Variants in RBFOX1 observed in about 807,000 individuals in gnomAD.
RBFOX1 encodes the protein RNA binding fox-1 homolog 1.
Under a neutral mutation model 57.7 loss-of-function variants are expected in RBFOX1, and 8 were observed. The ratio of observed to expected loss-of-function variants is 0.14; its 90% CI spans 0.08 to 0.25. The LOEUF (loss-of-function observed/expected upper bound fraction) is 0.25, where lower values mean the gene tolerates loss of function less well. RBFOX1 is among the 10% of genes least tolerant of loss of function. The probability of loss-of-function intolerance (pLI) is 1.00; values close to 1 mark genes in which losing one functional copy is unlikely to be tolerated. For missense variants in RBFOX1, 611 were observed against 548.5 expected (o/e 1.11, Z -1.14); for synonymous variants, 326 against 222.4 (o/e 1.47, Z -4.15).
At chr16:6,915,635 C>G (rs1435814441) in intron 3 of RBFOX1, among the ~76,000 whole-genome samples, 1 of 149,378 alleles carries the variant, frequency 6.7e-6, no homozygotes, top group Non-Finnish European at 1.5e-5. Flanking sequence ...ACTGCAACCT[C>G]TGCCTCTCGG....
At chr16:5,281,942 C>T (rs911882071) in intron 1 of RBFOX1, among the ~76,000 whole-genome samples, 3 of 152,058 alleles carry the variant, frequency 2.0e-5, no homozygotes, top group Admixed American at 6.6e-5. Flanking sequence ...AGGACTTATT[C>T]CTGTCATTTT....
chr16:5,655,451 A>G (rs1050146557), intron 3 of RBFOX1, among the ~76,000 whole-genome samples: 2 of 152,248 alleles, frequency 1.3e-5, no homozygotes. Context: ...CTGGCAGGAA[A>G]TGACATCTGT....
At chr16:7,061,442 T>C (rs190106031) in intron 4 of RBFOX1, among the ~76,000 whole-genome samples, 118 of 152,322 alleles carry the variant, frequency 7.7e-4, no homozygotes, top group Middle Eastern at 3.4e-3. Flanking sequence ...TTGTGAAATA[T>C]GATTAAATAA....
At chr16:5,408,808 G>T (rs1360286300) in intron 1 of RBFOX1, among the ~76,000 whole-genome samples, 1 of 152,192 alleles carries the variant, frequency 6.6e-6, no homozygotes, top group Non-Finnish European at 1.5e-5. Context: ...GACAGAGTTG[G>T]GGGTTGGGGA....
intron 3 of RBFOX1, among the ~76,000 whole-genome samples, chr16:6,701,009 A>G (rs1224901278): frequency 6.6e-6 from 1 of 150,836 alleles, no homozygotes; most frequent in Non-Finnish European, 1.5e-5. Flanking sequence ...CAGTAAAAGA[A>G]AGGAGTAGAG....
At chr16:7,109,971 A>C (rs2064359870) in intron 4 of RBFOX1, among the ~76,000 whole-genome samples, 1 of 152,134 alleles carries the variant, frequency 6.6e-6, no homozygotes, top group Non-Finnish European at 1.5e-5. Context: ...TATTAAGGAC[A>C]CTGCAGAGTA....
chr16:5,545,320 A>C (rs752624105), intron 2 of RBFOX1, among the ~76,000 whole-genome samples: 1 of 152,210 alleles, frequency 6.6e-6, no homozygotes, highest in Middle Eastern at 3.4e-3. Context: ...TATCAGTTCT[A>C]TACAAACTAT....
At chr16:5,766,571 C>G (rs764307875) in intron 3 of RBFOX1, among the ~76,000 whole-genome samples, 3 of 152,052 alleles carry the variant, frequency 2.0e-5, no homozygotes, top group Non-Finnish European at 2.9e-5. Flanking sequence ...GGCAACAGTG[C>G]GAGACTCTGT....
chr16:5,462,897 T>G (rs927896130), intron 1 of RBFOX1, among the ~76,000 whole-genome samples: 1 of 152,182 alleles, frequency 6.6e-6, no homozygotes, highest in Non-Finnish European at 1.5e-5. Flanking sequence ...AAGAATAATC[T>G]GGCCTGAATT....
At position 5,508,819 on chromosome 16, in the gene RBFOX1, T is replaced by A. The variant is rs574715030; in HGVS notation, c.258+41565T>A. Reference sequence around the variant, plus strand: ...AGTCAGGTTGGCAGAAGTCGAGAGCTGACATTGCCTCTGGAATGTGGTGGG... The same window carrying A: ...AGTCAGGTTGGCAGAAGTCGAGAGCAGACATTGCCTCTGGAATGTGGTGGG... On this transcript the variant is annotated intron_variant, in intron 2 of 2. Transcript: ENST00000585867. 3.3e-5 allele frequency among the ~76,000 whole-genome samples: 5 copies of A among 152,318 alleles called. No homozygotes were observed. In the East Asian group the frequency reaches 9.7e-4, roughly 29 times the overall value.
chr16:6,293,486 C>T (rs945134786), intron 1 of RBFOX1, among the ~76,000 whole-genome samples: 1 of 152,066 alleles, frequency 6.6e-6, no homozygotes, highest in East Asian at 1.9e-4. Flanking sequence ...GCCTGTCTGC[C>T]AGGTCCTTGG....
chr16:7,701,998 G>C (rs2080892506), intron 14 of RBFOX1, among the ~76,000 whole-genome samples: 1 of 152,160 alleles, frequency 6.6e-6, no homozygotes, highest in Non-Finnish European at 1.5e-5. Flanking sequence ...TGGGGTGGTT[G>C]GCACCTGTTG....
Position 6,969,518 on chromosome 16 carries a change from T to A in RBFOX1, c.-15-82539T>A, listed in dbSNP as rs1315334060. Reference sequence around the variant, plus strand: ...AGGAGGCCAACGTAGGTGGATCGATTGAGCTCGGGAGTTTGAGACCACACT... The same window carrying A: ...AGGAGGCCAACGTAGGTGGATCGATAGAGCTCGGGAGTTTGAGACCACACT... On this transcript the variant is annotated intron_variant, in intron 3 of 15. Transcript: ENST00000550418. 3.9e-5 allele frequency among the ~76,000 whole-genome samples: 6 copies of A among 152,120 alleles called. No individual in the cohort carries two copies. The East Asian group carries it at 1.2e-3, about 29-fold the overall frequency.
chr16:6,097,227 G>C lies in RBFOX1; in HGVS notation c.-127+77235G>C, dbSNP rs971876461. On this transcript the variant is annotated intron_variant, in intron 1 of 15. Coordinates refer to ENST00000550418, the MANE Select transcript of RBFOX1 (RefSeq NM_018723.4). This position sits in a 1 kb window ranked among gnomAD's most constrained non-coding sequence, Gnocchi z 5.0. The stretch of plus-strand genomic sequence containing the variant: ...GAGGCCTCCGTAGCCATGTGGAACT[G>C]TGAGTCCATTAAACTTCTTTTTGTT... Among the ~76,000 whole-genome samples, 1 of 152,174 alleles carries C rather than the reference G, an allele frequency of 6.6e-6. No homozygotes were observed. Among genetic ancestry groups the C allele is most frequent in the Admixed American group, 6.5e-5 (1 of 15,274 alleles).
chr16:7,607,619 T>C (rs570586245), intron 10 of RBFOX1, among the ~76,000 whole-genome samples: 2 of 152,312 alleles, frequency 1.3e-5, no homozygotes, highest in East Asian at 3.9e-4. Flanking sequence ...CTTTGTTCAA[T>C]AGTGTATTGA....
At chr16:5,525,444 C>T (rs1318307346) in intron 2 of RBFOX1, among the ~76,000 whole-genome samples, 1 of 148,584 alleles carries the variant, frequency 6.7e-6, no homozygotes, top group Admixed American at 6.7e-5. Context: ...ACAGGGTGGG[C>T]AGAGCTCAGA....
intron 4 of RBFOX1, among the ~76,000 whole-genome samples, chr16:7,461,766 G>A (rs892323812): frequency 4.6e-5 from 7 of 152,116 alleles, no homozygotes; most frequent in Admixed American, 1.3e-4. Flanking sequence ...CCCAGCCCTC[G>A]GAGGTAGTGA....
intron 2 of RBFOX1, among the ~76,000 whole-genome samples, chr16:5,514,476 G>A (rs2043717892): frequency 1.3e-5 from 2 of 152,288 alleles, no homozygotes; most frequent in Admixed American, 1.3e-4. Context: ...CAGATTTAAG[G>A]GGAAGGGGCA....
chr16:5,601,269 TAG>T (rs1289059160), downstream of RBFOX1: 1 of 152,406 alleles, frequency 6.6e-6, no homozygotes, highest in Admixed American at 6.5e-5. Flanking sequence ...GGAGTGGGGC[TAG>T]AGGGTCTGCA....
Sources: allele counts gnomAD v4.1 joint callset (sites outside exome capture counted in the v4.1 genomes callset), GRCh38; gene constraint gnomAD v4.1.1; non-coding constraint Gnocchi (gnomAD v3.1); transcripts MANE v1.5; gene names NCBI Gene and HGNC (gene_info 2026-07-23, HGNC 2026-07-21).